The following SGCD variants were observed in gnomAD, a reference collection of about 807,000 sequenced individuals.
SGCD encodes the protein delta-sarcoglycan.
In SGCD, 18 loss-of-function variants were observed where a neutral mutation model predicts 36.6. The observed-to-expected ratio is 0.49, with a 90% confidence interval of 0.34 to 0.73. The LOEUF is 0.73. SGCD is among the 30% of genes least tolerant of loss of function. The pLI is 0.01. For synonymous variants in SGCD, 133 were observed against 130.6 expected, an observed-to-expected ratio of 1.02 and a Z score of -0.12; for missense variants, 387 against 346.7, an observed-to-expected ratio of 1.12 and a Z score of -0.92.
chr5:156,525,567 G>A (rs1757612691), intron 4 of SGCD, among the ~76,000 whole-genome samples: 1 of 151,442 alleles, frequency 6.6e-6, no homozygotes, highest in African/African-American at 2.4e-5. Flanking sequence ...GTATGGAAAA[G>A]TTTTAGTTTC....
intron 1 of SGCD, among the ~76,000 whole-genome samples, chr5:155,959,836 C>T (rs1757754497): frequency 6.6e-6 from 1 of 151,882 alleles, no homozygotes; most frequent in African/African-American, 2.4e-5. Flanking sequence ...TTTATTTGCC[C>T]ACATTTTTTC....
At chr5:156,067,996 C>A (rs1327072732) in intron 1 of SGCD, among the ~76,000 whole-genome samples, 1 of 151,148 alleles carries the variant, frequency 6.6e-6, no homozygotes, top group African/African-American at 2.4e-5. Flanking sequence ...TGGCAAAATT[C>A]TTTCTTTAGA....
intron 1 of SGCD, among the ~76,000 whole-genome samples, chr5:155,977,040 G>T (rs761954515): frequency 1.3e-5 from 2 of 152,138 alleles, no homozygotes; most frequent in South Asian, 2.1e-4. Flanking sequence ...AAATTCAGGC[G>T]TGATCTTGCT....
the SGCD span, among the ~76,000 whole-genome samples, chr5:155,764,827 A>G: frequency 0.015 from 2,294 of 152,246 alleles, 69 homozygotes; most frequent in African/African-American, 0.051. Context: ...CCATGATAAG[A>G]TCTGGGGGGA....
intron 4 of SGCD, among the ~76,000 whole-genome samples, chr5:156,558,677 G>A (rs1434195130): frequency 1.3e-5 from 2 of 152,160 alleles, no homozygotes; most frequent in Non-Finnish European, 2.9e-5. Context: ...AAAGGGAACA[G>A]AGATTGATCA....
chr5:156,297,725 C>T (rs1236141007), intron 3 of SGCD, among the ~76,000 whole-genome samples: 1 of 151,608 alleles, frequency 6.6e-6, no homozygotes, highest in Non-Finnish European at 1.5e-5. Context: ...CAGCATGGCA[C>T]ATGTATACCT....
At chr5:156,411,065 A>G (rs538443021) in intron 3 of SGCD, among the ~76,000 whole-genome samples, 119 of 152,238 alleles carry the variant, frequency 7.8e-4, no homozygotes, top group African/African-American at 2.8e-3. Context: ...TTAAAATCAT[A>G]TTGCTTTTAT....
intron 1 of SGCD, among the ~76,000 whole-genome samples, chr5:155,882,485 T>G (rs1208560478): frequency 2.0e-5 from 3 of 152,204 alleles, no homozygotes; most frequent in African/African-American, 7.2e-5. Flanking sequence ...AGCTATAGCC[T>G]TACCAAATAT....
chr5:156,487,111 C>T, intron 3 of SGCD, among the ~76,000 whole-genome samples: 1 of 152,128 alleles, frequency 6.6e-6, no homozygotes, highest in East Asian at 1.9e-4. Context: ...GATGCATACC[C>T]AGCCTGCTGC....
At chr5:156,649,698 C>T (rs950176625) in intron 7 of SGCD, among the ~76,000 whole-genome samples, 15 of 100,922 alleles carry the variant, frequency 1.5e-4, no homozygotes, top group African/African-American at 5.1e-4. Flanking sequence ...ACATCACACA[C>T]GGGGGCCTGT....
At chr5:156,222,853 T>G (rs928044949) in intron 3 of SGCD, among the ~76,000 whole-genome samples, 3 of 152,240 alleles carry the variant, frequency 2.0e-5, no homozygotes, top group Admixed American at 2.0e-4. Flanking sequence ...AAAATATTTT[T>G]TCCTACTTAG....
At chr5:155,766,954 A>T in the SGCD span, among the ~76,000 whole-genome samples, 1 of 151,986 alleles carries the variant, frequency 6.6e-6, no homozygotes, top group South Asian at 2.1e-4. Context: ...GTGACCAACC[A>T]TGCTCTCCCA....
chr5:156,677,109 C>G (rs1753543953), intron 7 of SGCD, among the ~76,000 whole-genome samples: 1 of 152,196 alleles, frequency 6.6e-6, no homozygotes, highest in Admixed American at 6.5e-5. Flanking sequence ...GAGTCAAAGA[C>G]TTATAGAGCT....
At chr5:155,778,044 T>C in the SGCD span, among the ~76,000 whole-genome samples, 1 of 152,206 alleles carries the variant, frequency 6.6e-6, no homozygotes, top group South Asian at 2.1e-4. Context: ...TCTCAAATCT[T>C]ACAACTTTGC....
At chr5:156,142,278 G>C (rs1237888707) in intron 3 of SGCD, among the ~76,000 whole-genome samples, 2 of 152,218 alleles carry the variant, frequency 1.3e-5, no homozygotes, top group African/African-American at 4.8e-5. Flanking sequence ...CTGCAGAACT[G>C]TGAGCCAGTT....
the SGCD span, among the ~76,000 whole-genome samples, chr5:155,812,555 G>A: frequency 2.0e-5 from 3 of 152,174 alleles, no homozygotes; most frequent in African/African-American, 7.2e-5. Flanking sequence ...AAATAGGTAA[G>A]CAGCTGAATT....
chr5:155,811,460 G>C, the SGCD span, among the ~76,000 whole-genome samples: 1 of 152,166 alleles, frequency 6.6e-6, no homozygotes, highest in Non-Finnish European at 1.5e-5. Flanking sequence ...ATGGTCCATT[G>C]TTCAGAACAG....
chr5:156,571,159 C>T (rs1482129347), intron 4 of SGCD, among the ~76,000 whole-genome samples: 2 of 152,160 alleles, frequency 1.3e-5, no homozygotes, highest in Non-Finnish European at 2.9e-5. Context: ...GATTCTCCTG[C>T]CACAGCCTCC....
intron 1 of SGCD, among the ~76,000 whole-genome samples, chr5:155,986,126 A>G (rs1397782590): frequency 6.6e-6 from 1 of 152,160 alleles, no homozygotes; most frequent in Non-Finnish European, 1.5e-5. Flanking sequence ...TCACTCATTC[A>G]TCCATTTCCT....
Sources: gnomAD v4.1 joint callset for allele counts (sites outside exome capture counted in the v4.1 genomes callset) on GRCh38, gnomAD v4.1.1 for gene constraint, MANE v1.5 for transcripts, NCBI Gene and HGNC (gene_info 2026-07-23, HGNC 2026-07-21) for gene names.